Variants in CLEC16A observed in about 807,000 individuals in gnomAD.
CLEC16A encodes protein CLEC16A.
CLEC16A carries 51 observed loss-of-function variants against 109.5 expected under a neutral mutation model. That is an observed-to-expected ratio of 0.47 (90% CI 0.37 to 0.59). CLEC16A has a LOEUF of 0.59. Ranked by LOEUF, CLEC16A falls within the 20% of genes least tolerant of loss-of-function variation. CLEC16A has a pLI of 0.00. For missense variants in CLEC16A, 1,339 were observed against 1,394.0 expected, an observed-to-expected ratio of 0.96 and a Z score of 0.63; for synonymous variants, 673 against 564.2, an observed-to-expected ratio of 1.19 and a Z score of -2.73.
intron 22 of CLEC16A, among the ~76,000 whole-genome samples, chr16:11,137,187 GT>G: frequency 7.3e-6 from 1 of 137,770 alleles, no homozygotes; most frequent in African/African-American, 2.9e-5. Flanking sequence ...TTTTCTGTTG[GT>G]GTTTTTTTTC....
chr16:11,163,745 C>A (rs923191043), intron 22 of CLEC16A, among the ~76,000 whole-genome samples: 1 of 152,136 alleles, frequency 6.6e-6, no homozygotes, highest in Admixed American at 6.5e-5. Context: ...ACCTTGGCAA[C>A]GGCTATGTCA....
chr16:11,086,356 T>A (rs2050007634), intron 19 of CLEC16A, among the ~76,000 whole-genome samples: 1 of 152,332 alleles, frequency 6.6e-6, no homozygotes, highest in East Asian at 1.9e-4. Context: ...AAAGTGGGGC[T>A]AGGAACTGTT....
At chr16:11,173,608 G>A (rs1241324433) in intron 23 of CLEC16A, among the ~76,000 whole-genome samples, 1 of 152,122 alleles carries the variant, frequency 6.6e-6, no homozygotes, top group African/African-American at 2.4e-5. Flanking sequence ...ACTCGGAGCT[G>A]TGCTGTTGGC....
chr16:10,952,161 A>C (rs1294331455), intron 1 of CLEC16A, among the ~76,000 whole-genome samples: 1 of 152,220 alleles, frequency 6.6e-6, no homozygotes, highest in Non-Finnish European at 1.5e-5. Flanking sequence ...AAAGTTTCCT[A>C]CTTCTCTAAA....
At chr16:10,970,919 C>T (rs1018916690) in intron 4 of CLEC16A, among the ~76,000 whole-genome samples, 1 of 149,210 alleles carries the variant, frequency 6.7e-6, no homozygotes, top group South Asian at 2.2e-4. Flanking sequence ...GACTTGGACT[C>T]TTCTGTTTCT....
intron 17 of CLEC16A, among the ~76,000 whole-genome samples, chr16:11,049,848 G>A (rs137875839): frequency 6.6e-6 from 1 of 152,366 alleles, no homozygotes; most frequent in African/African-American, 2.4e-5. Flanking sequence ...GAATGAGTGA[G>A]GCAGGAACTG....
intron 19 of CLEC16A, among the ~76,000 whole-genome samples, chr16:11,066,052 CAG>C (rs2048737667): frequency 1.3e-5 from 2 of 152,188 alleles, no homozygotes; most frequent in South Asian, 2.1e-4. Context: ...AGCATGGACT[CAG>C]GGGCCAGACT....
intron 13 of CLEC16A, among the ~76,000 whole-genome samples, chr16:11,032,046 G>A (rs11074946): frequency 0.085 from 12,972 of 152,262 alleles, 598 homozygotes; most frequent in African/African-American, 0.12. Context: ...AAAGTCCTAC[G>A]AGGAGGCTGT....
At chr16:11,158,308 G>A (rs998156324) in intron 22 of CLEC16A, among the ~76,000 whole-genome samples, 1 of 152,136 alleles carries the variant, frequency 6.6e-6, no homozygotes, top group East Asian at 1.9e-4. Context: ...GGGCACCCAC[G>A]CCTCATGGTC....
chr16:11,151,636 T>G (rs969970156), intron 22 of CLEC16A, among the ~76,000 whole-genome samples: 1 of 152,260 alleles, frequency 6.6e-6, no homozygotes, highest in Non-Finnish European at 1.5e-5. Flanking sequence ...TCAGAAATAC[T>G]GGGCCCTCTG....
At position 11,162,858 on chromosome 16, in the gene CLEC16A, A is replaced by G. The variant is rs150282064; in HGVS notation, c.2642-3530A>G. 3.2e-4 allele frequency among the ~76,000 whole-genome samples: 48 copies of G among 152,296 alleles called. 1 individual carries two copies. The Middle Eastern group carries it at 0.02, about 65-fold the overall frequency. On this transcript the variant is annotated intron_variant, in intron 22 of 23. Transcript: ENST00000409790. Reference sequence around the variant, plus strand: ...TAGTTCGGTATGTGCATCCACCCACAGTGTCGTCTGCAGCATGGGATGCTG... The same window carrying G: ...TAGTTCGGTATGTGCATCCACCCACGGTGTCGTCTGCAGCATGGGATGCTG...
chr16:10,956,403 C>T (rs1370719458), intron 1 of CLEC16A, among the ~76,000 whole-genome samples: 4 of 152,148 alleles, frequency 2.6e-5, no homozygotes, highest in Non-Finnish European at 5.9e-5. Flanking sequence ...CCTATCTAGA[C>T]GTTTCCTTCC....
intron 19 of CLEC16A, among the ~76,000 whole-genome samples, chr16:11,064,296 C>A: frequency 6.6e-6 from 1 of 152,334 alleles, no homozygotes; most frequent in African/African-American, 2.4e-5. Flanking sequence ...CCTCCCCAGC[C>A]CCAGCTGCTG....
chr16:10,967,412 G>A (rs1479738981), intron 3 of CLEC16A, among the ~76,000 whole-genome samples: 1 of 152,060 alleles, frequency 6.6e-6, no homozygotes, highest in East Asian at 1.9e-4. Flanking sequence ...TGTTTGTTTT[G>A]TTTTTAGAGA....
intron 10 of CLEC16A, among the ~76,000 whole-genome samples, chr16:10,993,667 A>C (rs1293663646): frequency 6.6e-6 from 1 of 152,224 alleles, no homozygotes; most frequent in Non-Finnish European, 1.5e-5. Context: ...AGTGTTTCAC[A>C]GTTCATCTTT....
intron 11 of CLEC16A, among the ~76,000 whole-genome samples, chr16:11,014,787 G>T (rs1042146730): frequency 6.6e-6 from 1 of 152,192 alleles, no homozygotes; most frequent in Non-Finnish European, 1.5e-5. Flanking sequence ...TGTGGCGCCC[G>T]CACCTTGGGA....
intron 10 of CLEC16A, among the ~76,000 whole-genome samples, chr16:10,998,741 C>T (rs555196976): frequency 1.5e-4 from 23 of 152,148 alleles, no homozygotes; most frequent in Non-Finnish European, 2.8e-4. Context: ...CAGCCATGAG[C>T]TCACTCAGCA....
At chr16:11,005,013 C>T (rs1212361679) in intron 11 of CLEC16A, among the ~76,000 whole-genome samples, 1 of 152,168 alleles carries the variant, frequency 6.6e-6, no homozygotes, top group African/African-American at 2.4e-5. Flanking sequence ...TTTAGTTGTT[C>T]TGTTGCCACA....
chr16:10,972,236 G>C (rs577369575), intron 5 of CLEC16A, among the ~76,000 whole-genome samples: 1 of 152,220 alleles, frequency 6.6e-6, no homozygotes, highest in Non-Finnish European at 1.5e-5. Context: ...CCTGCAGTTG[G>C]GGGGGTCAGC....
Sources: gnomAD v4.1 joint callset for allele counts (sites outside exome capture counted in the v4.1 genomes callset) on GRCh38, gnomAD v4.1.1 for gene constraint, MANE v1.5 for transcripts, NCBI Gene and HGNC (gene_info 2026-07-23, HGNC 2026-07-21) for gene names.